PCDHA8: variants seen among roughly 807,000 people sequenced by gnomAD.
The protein encoded by PCDHA8 is protocadherin alpha-8.
In PCDHA8, 53 loss-of-function variants were observed where a neutral mutation model predicts 61.8. The observed-to-expected ratio is 0.86, with a 90% CI of 0.69 to 1.08. PCDHA8 has a LOEUF of 1.08. PCDHA8 is among the 50% of genes least tolerant of loss of function. PCDHA8 has a pLI of 0.00. For synonymous variants in PCDHA8, 618 were observed against 556.6 expected (o/e 1.11, Z -1.55); for missense variants, 1,293 against 1,245.0 (o/e 1.04, Z -0.58).
At chr5:140,873,592 T>G (rs936003894) in intron 1 of PCDHA8, among the ~76,000 whole-genome samples, 1 of 152,234 alleles carries the variant, frequency 6.6e-6, no homozygotes, top group African/African-American at 2.4e-5. Flanking sequence ...TAAGCTAAAC[T>G]TAGATGTTCC....
At chr5:140,875,667 G>T in intron 1 of PCDHA8, 1 of 1,613,820 alleles carries the variant, frequency 6.2e-7, no homozygotes, top group Non-Finnish European at 8.5e-7. Flanking sequence ...GCCTGTTCCG[G>T]GTGGCGTCCA....
chr5:140,871,287 G>C (rs782751803), intron 1 of PCDHA8: 2 of 1,613,932 alleles, frequency 1.2e-6, no homozygotes, highest in Middle Eastern at 1.7e-4. Context: ...CGCCCACTGA[G>C]GGCGCGTGCG....
chr5:140,854,123 CT>C (rs1554147020), intron 1 of PCDHA8: 1 of 348,562 alleles, frequency 2.9e-6, no homozygotes, highest in Non-Finnish European at 3.9e-6. Context: ...GATGGCACAA[CT>C]GCATTTCAGC....
At chr5:140,991,298 A>G (rs555776023) in intron 3 of PCDHA8, among the ~76,000 whole-genome samples, 1 of 152,288 alleles carries the variant, frequency 6.6e-6, no homozygotes, top group Non-Finnish European at 1.5e-5. Context: ...ACACATTACT[A>G]TTATCTTGTC....
At chr5:140,927,157 G>T (rs868936673) in intron 1 of PCDHA8, 1 of 1,614,146 alleles carries the variant, frequency 6.2e-7, no homozygotes, top group Admixed American at 1.7e-5. Flanking sequence ...GCTGTGCAGG[G>T]CCAAAGCTGC....
At position 140,858,138 on chromosome 5, in the gene PCDHA8, A is replaced by T. The variant is rs577433161; in HGVS notation, c.2394+14423A>T. On this transcript the variant is annotated intron_variant, in intron 1 of 3. Coordinates refer to ENST00000531613, the MANE Select transcript of PCDHA8 (RefSeq NM_018911.3). ...GTGGCCCTGGTGGATGTCAACGTGT[A>T]CCTGATCATCGCCATCTGCGCGGTG... 43 of 1,597,514 alleles carry T rather than the reference A, an allele frequency of 2.7e-5. 1 individual carries two copies. The African/African-American group carries it at 5.5e-4, about 20-fold the overall frequency.
At chr5:140,895,532 A>G (rs546443647) in intron 1 of PCDHA8, among the ~76,000 whole-genome samples, 1 of 152,172 alleles carries the variant, frequency 6.6e-6, no homozygotes, top group East Asian at 1.9e-4. Flanking sequence ...TCGTTTTTCA[A>G]TTGTTGAGTT....
chr5:140,955,677 G>A (rs989922322), intron 1 of PCDHA8, among the ~76,000 whole-genome samples: 6 of 151,960 alleles, frequency 3.9e-5, no homozygotes, highest in African/African-American at 1.2e-4. Context: ...TAGTTTTTTC[G>A]AAATCTGTGA....
chr5:140,855,687 GA>G (rs1455055346), intron 1 of PCDHA8, among the ~76,000 whole-genome samples: 4 of 149,608 alleles, frequency 2.7e-5, no homozygotes, highest in Admixed American at 2.0e-4. Context: ...CTACATTTAA[GA>G]AAACATTGCA....
chr5:140,973,825 T>A (rs1253333011), intron 1 of PCDHA8, among the ~76,000 whole-genome samples: 5 of 152,246 alleles, frequency 3.3e-5, no homozygotes, highest in Non-Finnish European at 5.9e-5. Context: ...AAGTCAGTTC[T>A]GGGTACTTGC....
chr5:140,875,265 T>C, intron 1 of PCDHA8: 1 of 1,201,060 alleles, frequency 8.3e-7, no homozygotes, highest in Admixed American at 3.0e-5. Flanking sequence ...GATGTCGCTC[T>C]ACACTCAGAA....
intron 1 of PCDHA8, among the ~76,000 whole-genome samples, chr5:140,964,480 C>T (rs2095835890): frequency 6.6e-6 from 1 of 152,122 alleles, no homozygotes; most frequent in Non-Finnish European, 1.5e-5. Flanking sequence ...GATTTTTTCA[C>T]AGTCACAGGT....
intron 2 of PCDHA8, chr5:140,982,197 A>G: frequency 1.5e-5 from 6 of 389,618 alleles, no homozygotes; most frequent in Non-Finnish European, 2.1e-5. Flanking sequence ...TTCCTGTTAG[A>G]TTTAGTGAGC....
intron 1 of PCDHA8, chr5:140,927,441 G>A: frequency 5.0e-6 from 8 of 1,614,130 alleles, no homozygotes; most frequent in Non-Finnish European, 4.2e-6. Context: ...GCGAATACCC[G>A]GAGTTGGTGT....
intron 1 of PCDHA8, among the ~76,000 whole-genome samples, chr5:140,900,090 A>G (rs1370301453): frequency 6.6e-6 from 1 of 152,152 alleles, no homozygotes; most frequent in Non-Finnish European, 1.5e-5. Context: ...AGTTACAAGC[A>G]TGCGCCACCA....
At chr5:141,009,169 C>T (rs782079623) in intron 3 of PCDHA8, among the ~76,000 whole-genome samples, 13 of 152,186 alleles carry the variant, frequency 8.5e-5, no homozygotes, top group Non-Finnish European at 1.3e-4. Flanking sequence ...TAAATACTGG[C>T]CTTGGCTGGG....
chr5:140,978,794 TG>T (rs1179958432), intron 1 of PCDHA8, 154 bp from the exon 2 acceptor site: 8 of 978,628 alleles, frequency 8.2e-6, no homozygotes, highest in Non-Finnish European at 9.7e-6. Context: ...GTGCTATATA[TG>T]TAGATATCAT....
intron 1 of PCDHA8, chr5:140,882,094 C>A: frequency 2.6e-6 from 3 of 1,172,678 alleles, no homozygotes; most frequent in Non-Finnish European, 3.5e-6. Flanking sequence ...TCACTGAGAA[C>A]GTTTCCGCGA....
chr5:140,936,077 G>A (rs2090754379), intron 1 of PCDHA8, among the ~76,000 whole-genome samples: 1 of 151,980 alleles, frequency 6.6e-6, no homozygotes, highest in South Asian at 2.1e-4. Flanking sequence ...ACTTTTAGTA[G>A]AGACAGGGTT....
Sources: allele counts gnomAD v4.1 joint callset (sites outside exome capture counted in the v4.1 genomes callset), GRCh38; gene constraint gnomAD v4.1.1; transcripts MANE v1.5; gene names NCBI Gene and HGNC (gene_info 2026-07-23, HGNC 2026-07-21).